GOLGA4: variants seen among roughly 807,000 people sequenced by gnomAD.
The protein encoded by GOLGA4 is golgin A4.
A neutral mutation model predicts 265.9 loss-of-function variants in GOLGA4; 169 were observed. That is an observed-to-expected ratio of 0.64 (90% confidence interval 0.56 to 0.72). The LOEUF (loss-of-function observed/expected upper bound fraction) is 0.72, where lower values mean the gene tolerates loss of function less well. Among genes scored for constraint, GOLGA4 ranks in the 30% least tolerant of loss-of-function variants. GOLGA4 has a pLI of 0.00. For missense variants in GOLGA4, 2,482 were observed against 2,483.4 expected (o/e 1.00, Z 0.01); for synonymous variants, 923 against 855.8 (o/e 1.08, Z -1.37).
intron 22 of GOLGA4, among the ~76,000 whole-genome samples, chr3:37,359,763 C>T (rs1429063422): frequency 6.6e-6 from 1 of 152,144 alleles, no homozygotes; most frequent in East Asian, 1.9e-4. Flanking sequence ...AACTTTTCAG[C>T]ATTGCTAGGT....
intron 10 of GOLGA4, among the ~76,000 whole-genome samples, chr3:37,305,416 C>T (rs2096903514): frequency 6.6e-6 from 1 of 152,150 alleles, no homozygotes; most frequent in African/African-American, 2.4e-5. Flanking sequence ...TGCACACAAA[C>T]TGTATTTCAT....
At chr3:37,299,092 G>C in intron 8 of GOLGA4, 72 bp downstream of exon 8, 2 of 1,292,798 alleles carry the variant, frequency 1.5e-6, no homozygotes, top group Non-Finnish European at 2.2e-6. Flanking sequence ...AGCATGGCTT[G>C]TACCTCCGGG....
At chr3:37,336,798 G>GAGAA (rs1333747209) in intron 17 of GOLGA4, among the ~76,000 whole-genome samples, 2 of 151,544 alleles carry the variant, frequency 1.3e-5, no homozygotes, top group Non-Finnish European at 2.9e-5. Flanking sequence ...GAAAGAGAAA[G>GAGAA]AGAAAGAAAG....
At chr3:37,275,703 A>T (rs2096815413) in intron 2 of GOLGA4, 1 of 1,612,074 alleles carries the variant, frequency 6.2e-7, no homozygotes, top group East Asian at 2.2e-5. Context: ...ATGGAGGACG[A>T]AGTGGTCCGC....
intron 10 of GOLGA4, among the ~76,000 whole-genome samples, chr3:37,314,642 A>AACACACACACACAC (rs60890140): frequency 0.022 from 3,097 of 138,980 alleles, 75 homozygotes; most frequent in African/African-American, 0.042. Context: ...CTCCGTCTCA[A>AACACACACACACAC]ACACACACAC....
At chr3:37,285,698 C>T (rs1388651983) in intron 3 of GOLGA4, among the ~76,000 whole-genome samples, 1 of 152,242 alleles carries the variant, frequency 6.6e-6, no homozygotes, top group African/African-American at 2.4e-5. Flanking sequence ...CTGATTTAGT[C>T]TGTAACTATA....
intron 2 of GOLGA4, among the ~76,000 whole-genome samples, chr3:37,262,651 C>T (rs1392012643): frequency 6.6e-6 from 1 of 151,456 alleles, no homozygotes; most frequent in Non-Finnish European, 1.5e-5. Flanking sequence ...GCCTGTAATC[C>T]CAGCAGTTTG....
At chr3:37,341,442 A>T (rs534696774) in intron 20 of GOLGA4, among the ~76,000 whole-genome samples, 2 of 152,194 alleles carry the variant, frequency 1.3e-5, no homozygotes, top group African/African-American at 4.8e-5. Context: ...GAAAGCTCTC[A>T]TTACTATCAA....
At chr3:37,345,869 C>G (rs900378368) in intron 20 of GOLGA4, among the ~76,000 whole-genome samples, 3 of 151,874 alleles carry the variant, frequency 2.0e-5, no homozygotes, top group Admixed American at 2.0e-4. Context: ...ATCACTTGAA[C>G]CTGGGAGGCG....
chr3:37,253,538 A>G (rs573604431), intron 2 of GOLGA4, among the ~76,000 whole-genome samples: 1 of 152,318 alleles, frequency 6.6e-6, no homozygotes, highest in Non-Finnish European at 1.5e-5. Flanking sequence ...TTGTCATTCT[A>G]TCCGAAACCA....
At chr3:37,361,179 A>T in intron 22 of GOLGA4, 64 bp from the exon 23 acceptor site, 3 of 1,170,954 alleles carry the variant, frequency 2.6e-6, no homozygotes, top group Non-Finnish European at 3.9e-6. Context: ...TACACATACA[A>T]TCTATGTGTT....
intron 16 of GOLGA4, among the ~76,000 whole-genome samples, chr3:37,330,757 G>A (rs758415297): frequency 2.2e-4 from 34 of 152,146 alleles, no homozygotes; most frequent in Non-Finnish European, 4.4e-4. Context: ...GCCAGGCACG[G>A]TGGCTCATGC....
At chr3:37,260,398 G>T (rs1188893469) in intron 2 of GOLGA4, among the ~76,000 whole-genome samples, 1 of 151,482 alleles carries the variant, frequency 6.6e-6, no homozygotes, top group Non-Finnish European at 1.5e-5. Context: ...GAGTAGGGTG[G>T]ATTACTTGAG....
At chr3:37,300,000 A>G (rs974829275) in intron 9 of GOLGA4, among the ~76,000 whole-genome samples, 1 of 152,140 alleles carries the variant, frequency 6.6e-6, no homozygotes, top group Non-Finnish European at 1.5e-5. Context: ...ACAGTGAGCT[A>G]TGGTCACACT....
intron 2 of GOLGA4, among the ~76,000 whole-genome samples, chr3:37,256,883 C>G (rs1232880483): frequency 6.6e-6 from 1 of 152,120 alleles, no homozygotes; most frequent in African/African-American, 2.4e-5. Flanking sequence ...TGGCCTCCAA[C>G]TCCTGGGCTC....
chr3:37,266,970 C>G, intron 2 of GOLGA4: 1 of 1,040,910 alleles, frequency 9.6e-7, no homozygotes, highest in Non-Finnish European at 1.3e-6. Context: ...TCTGCATTCC[C>G]TTTGTGGGGA....
rs767008464 is a variant in GOLGA4, at chr3:37,323,910, CTT to C, written c.2026_2027del (p.Leu676ArgfsTer4). On this transcript the variant is annotated frameshift_variant, in exon 14 of 24. Transcript: ENST00000361924. LOFTEE classifies it high-confidence loss of function. ...CACATAGAAGAAATGAATGAAAAGA[CTT>C]TAGAAAAGCTTGATGTGAAGCAAAC... 6.2e-7 allele frequency: 1 copy of C among 1,613,602 alleles called. No homozygotes were observed. Among genetic ancestry groups the C allele is most frequent in the Non-Finnish European group, 8.5e-7 (1 of 1,179,852 alleles).
intron 2 of GOLGA4, among the ~76,000 whole-genome samples, chr3:37,258,255 GAGAGCATATATAT>G (rs2096759645): frequency 6.8e-6 from 1 of 146,806 alleles, no homozygotes; most frequent in Admixed American, 6.9e-5. Context: ...AGCATATATA[GAGAGCATATATAT>G]AGAGCATATA....
intron 5 of GOLGA4, 133 bp from the exon 6 acceptor site, chr3:37,294,846 A>G (rs1238439573): frequency 1.7e-6 from 1 of 578,298 alleles, no homozygotes; most frequent in Non-Finnish European, 3.1e-6. Context: ...TTTACATACT[A>G]ATTATTCTCT....
Sources: gnomAD v4.1 joint callset for allele counts (sites outside exome capture counted in the v4.1 genomes callset) on GRCh38, gnomAD v4.1.1 for gene constraint, MANE v1.5 for transcripts, NCBI Gene and HGNC (gene_info 2026-07-23, HGNC 2026-07-21) for gene names.